The following LRP1B variants were observed in gnomAD, a reference collection of about 807,000 sequenced individuals.
LRP1B encodes the protein LDL receptor related protein 1B.
A neutral mutation model predicts 556.6 loss-of-function variants in LRP1B; 217 were observed. The observed-to-expected ratio is 0.39, with a 90% CI of 0.35 to 0.44. The LOEUF is 0.44. Among genes scored for constraint, LRP1B ranks in the 20% least tolerant of loss-of-function variants. The pLI is 1.00. For synonymous variants in LRP1B, 2,047 were observed against 1,865.8 expected, an observed-to-expected ratio of 1.10 and a Z score of -2.50; for missense variants, 5,053 against 5,620.8, an observed-to-expected ratio of 0.90 and a Z score of 3.23.
chr2:140,878,898 A>G lies in LRP1B; in HGVS notation c.4169+4919T>C, dbSNP rs1573834252. 2.0e-5 allele frequency among the ~76,000 whole-genome samples: 3 copies of G among 151,894 alleles called. 1 individual carries two copies. In the East Asian group the frequency reaches 5.8e-4, roughly 29 times the overall value. On this transcript the variant is annotated intron_variant, in intron 25 of 90. Coordinates refer to ENST00000389484, the MANE Select transcript of LRP1B (RefSeq NM_018557.3). Reference sequence around the variant, plus strand: ...GGCACGCATCTGTAATCCCAACTACAGAATTGCTTGAACCCGGGAGGCAGA... The same window carrying G: ...GGCACGCATCTGTAATCCCAACTACGGAATTGCTTGAACCCGGGAGGCAGA...
chr2:141,195,505 T>C (rs924508176), intron 6 of LRP1B, among the ~76,000 whole-genome samples: 2 of 152,124 alleles, frequency 1.3e-5, no homozygotes, highest in African/African-American at 2.4e-5. Context: ...AAAAGATAAC[T>C]CAGTAGTCAA....
rs2105299907 is a variant in LRP1B, at chr2:140,950,314, G to T, written c.3057C>A (p.Ile1019=). Residue 1019 remains isoleucine, a synonymous_variant, in exon 20 of 91, where the codon ATC becomes ATA. Coordinates refer to ENST00000389484, the MANE Select transcript of LRP1B (RefSeq NM_018557.3). ...NQFRCSSGRC[I]PGHWACDGDN... ...CACCATCACAGGCCCAGTGGCCTGG[G>T]ATGCATCTGCCACTGGAACATCTGA... is the stretch of plus-strand genomic sequence containing the variant. The T allele has an allele frequency of 6.2e-7, 1 of 1,613,106 alleles. No homozygotes were observed. The highest frequency in any genetic ancestry group is 8.5e-7 in the Non-Finnish European group (1 of 1,179,516).
chr2:141,502,758 C>T (rs1015861369), intron 2 of LRP1B, among the ~76,000 whole-genome samples: 1 of 151,530 alleles, frequency 6.6e-6, no homozygotes, highest in Non-Finnish European at 1.5e-5. Context: ...ACTCAGGAGG[C>T]TGAGGCAGGA....
At chr2:140,935,913 T>A (rs1695189330) in intron 20 of LRP1B, among the ~76,000 whole-genome samples, 1 of 151,814 alleles carries the variant, frequency 6.6e-6, no homozygotes, top group South Asian at 2.1e-4. Context: ...TGTATATATA[T>A]GTGTGATATG....
intron 20 of LRP1B, among the ~76,000 whole-genome samples, chr2:140,924,765 T>G (rs546442921): frequency 6.6e-6 from 1 of 152,264 alleles, no homozygotes; most frequent in East Asian, 1.9e-4. Context: ...ACTTTGAACA[T>G]ACCATCTTTA....
intron 7 of LRP1B, among the ~76,000 whole-genome samples, chr2:141,175,321 A>G (rs1382074050): frequency 1.3e-5 from 2 of 152,144 alleles, no homozygotes; most frequent in Admixed American, 1.3e-4. Flanking sequence ...AAGACAATGA[A>G]GAAAACCCAC....
At chr2:140,777,494 C>T (rs1173950217) in intron 32 of LRP1B, among the ~76,000 whole-genome samples, 1 of 152,134 alleles carries the variant, frequency 6.6e-6, no homozygotes, top group Non-Finnish European at 1.5e-5. Context: ...CAGAACTCCC[C>T]TCAAGGAAGA....
At chr2:141,329,489 G>T (rs373804361) in intron 3 of LRP1B, among the ~76,000 whole-genome samples, 1 of 150,306 alleles carries the variant, frequency 6.7e-6, no homozygotes, top group African/African-American at 2.4e-5. Flanking sequence ...CTAAAAATAC[G>T]AAAAATTAGC....
intron 3 of LRP1B, among the ~76,000 whole-genome samples, chr2:141,292,376 T>A (rs1366005568): frequency 6.6e-6 from 1 of 152,072 alleles, no homozygotes; most frequent in Non-Finnish European, 1.5e-5. Flanking sequence ...CTCTATCAAC[T>A]CATAGTTCAG....
At chr2:140,637,494 C>T (rs116459610) in intron 41 of LRP1B, among the ~76,000 whole-genome samples, 1,759 of 152,314 alleles carry the variant, frequency 0.012, 36 homozygotes, top group African/African-American at 0.04. Context: ...TAGAAGGTGA[C>T]ATAAGCTGTT....
At position 140,535,997 on chromosome 2, in the gene LRP1B, A is replaced by G. The variant is rs781318133; in HGVS notation, c.7642+584T>C. Among the ~76,000 whole-genome samples, 11 of 152,200 alleles carry G rather than the reference A, an allele frequency of 7.2e-5. No individual in the cohort carries two copies. In the South Asian group the frequency reaches 1.4e-3, roughly 20 times the overall value. On this transcript the variant is annotated intron_variant, in intron 46 of 90. Coordinates refer to ENST00000389484, the MANE Select transcript of LRP1B (RefSeq NM_018557.3). ...TTTGATAACAAGCCAACGATGTGCT[A>G]TTGTCTGTTGGTGAAACTCTGCTTC...
At position 142,130,900 on chromosome 2, in the gene LRP1B, C is replaced by T; in HGVS notation, c.-171G>A. 2 of 666,384 alleles carry T rather than the reference C, an allele frequency of 3.0e-6. No homozygotes were observed. The highest frequency in any genetic ancestry group is 2.2e-5 in the Admixed American group (1 of 45,074). 41.3% of individuals were successfully genotyped at this position (666,384 alleles called of 1,614,324 possible). A position where few individuals can be genotyped will look rare whatever the true frequency, so the allele number is the denominator to read the frequency against. The stretch of plus-strand genomic sequence containing the variant: ...AGTCCAGCCAGTCAGCCTTCTCCTG[C>T]CTGGAGCAGGATGTGGAAGGTGGAG... On this transcript the variant is annotated 5_prime_UTR_variant, in exon 1 of 91. Coordinates refer to ENST00000389484, the MANE Select transcript of LRP1B (RefSeq NM_018557.3).
At chr2:140,609,528 G>A (rs748851977) in intron 41 of LRP1B, among the ~76,000 whole-genome samples, 58 of 152,204 alleles carry the variant, frequency 3.8e-4, no homozygotes, top group Middle Eastern at 6.8e-3. Flanking sequence ...TATAAAATAT[G>A]TAAATAGAAA....
rs945635458 is a variant in LRP1B, at chr2:140,303,246, T to A, written c.12806-5277A>T. Among the ~76,000 whole-genome samples the A allele has an allele frequency of 4.0e-5, 6 of 151,750 alleles. No homozygotes were observed. The South Asian group carries it at 8.3e-4, about 21-fold the overall frequency. On this transcript the variant is annotated intron_variant, in intron 83 of 90. Coordinates refer to ENST00000389484, the MANE Select transcript of LRP1B (RefSeq NM_018557.3). ...AAAAATAAACTCTTTTTTATTTGTT[T>A]GTTATTTATTTATTTATTTGAGATG... is the stretch of plus-strand genomic sequence containing the variant.
At chr2:140,912,016 A>G (rs1477296966) in intron 21 of LRP1B, among the ~76,000 whole-genome samples, 1 of 151,802 alleles carries the variant, frequency 6.6e-6, no homozygotes, top group Non-Finnish European at 1.5e-5. Context: ...CACCAGAGAT[A>G]TGAATAAATA....
chr2:141,264,410 G>T (rs1684811251), intron 3 of LRP1B, among the ~76,000 whole-genome samples: 1 of 152,110 alleles, frequency 6.6e-6, no homozygotes, highest in Non-Finnish European at 1.5e-5. Flanking sequence ...CAACCATGTG[G>T]TCTGAGAAAA....
chr2:141,113,436 G>A (rs1007928755), intron 7 of LRP1B, among the ~76,000 whole-genome samples: 3 of 152,108 alleles, frequency 2.0e-5, no homozygotes, highest in Admixed American at 1.3e-4. Context: ...CTGAATAAAG[G>A]TTCTTTTAAA....
intron 32 of LRP1B, among the ~76,000 whole-genome samples, chr2:140,789,389 C>A (rs143876736): frequency 2.0e-5 from 3 of 152,268 alleles, no homozygotes; most frequent in Admixed American, 6.5e-5. Context: ...TTCTCCCCAA[C>A]AGAGCAATTG....
Position 141,707,023 on chromosome 2 carries a change from G to T in LRP1B, c.205+103256C>A, listed in dbSNP as rs575989990. Among the ~76,000 whole-genome samples, 8 of 152,030 alleles carry T rather than the reference G, an allele frequency of 5.3e-5. No individual in the cohort carries two copies. The East Asian group carries it at 1.5e-3, about 29-fold the overall frequency. On this transcript the variant is annotated intron_variant, in intron 2 of 90. Transcript: ENST00000389484. The stretch of plus-strand genomic sequence containing the variant: ...TAGACAATCAAATTACCTAATACAG[G>T]CCACAAAAGAAATACAGAGGCTGAG...
Sources: gnomAD v4.1 joint callset for allele counts (sites outside exome capture counted in the v4.1 genomes callset) on GRCh38, gnomAD v4.1.1 for gene constraint, MANE v1.5 for transcripts, NCBI Gene and HGNC (gene_info 2026-07-23, HGNC 2026-07-21) for gene names.